SAMMSON: variants seen among roughly 807,000 people sequenced by gnomAD.
SAMMSON encodes long intergenic non-protein coding RNA 1212.
exon 10 of SAMMSON, chr3:70,389,712 A>C (rs1187435823): frequency 6.6e-6 from 1 of 152,186 alleles, no homozygotes; most frequent in Admixed American, 6.6e-5. Context: ...AAGAGAAGAA[A>C]GTGATTCAAG....
chr3:70,085,162 G>A (rs1007432706), intron 4 of SAMMSON, among the ~76,000 whole-genome samples: 2 of 152,158 alleles, frequency 1.3e-5, no homozygotes, highest in Middle Eastern at 3.2e-3. Context: ...CTGTATACTG[G>A]TTTGACCTTA....
At chr3:70,156,330 T>C (rs891799855) in intron 4 of SAMMSON, among the ~76,000 whole-genome samples, 1 of 152,060 alleles carries the variant, frequency 6.6e-6, no homozygotes, top group African/African-American at 2.4e-5. Context: ...CTCAGTTATT[T>C]TTTCAACATG....
intron 7 of SAMMSON, among the ~76,000 whole-genome samples, chr3:70,325,321 G>A (rs1420698627): frequency 6.6e-6 from 1 of 152,144 alleles, no homozygotes; most frequent in Non-Finnish European, 1.5e-5. Context: ...GAGATACACT[G>A]TAAGTATGTA....
intron 2 of SAMMSON, among the ~76,000 whole-genome samples, chr3:70,416,012 G>C (rs1028940325): frequency 1.3e-5 from 2 of 152,084 alleles, no homozygotes; most frequent in Non-Finnish European, 2.9e-5. Context: ...TTATTCATAA[G>C]CTTTAGATAG....
chr3:70,269,381 T>A (rs1014478621), intron 6 of SAMMSON, among the ~76,000 whole-genome samples: 2 of 152,208 alleles, frequency 1.3e-5, no homozygotes, highest in Non-Finnish European at 2.9e-5. Context: ...AGACACCCTG[T>A]AACCTACTTA....
intron 3 of SAMMSON, among the ~76,000 whole-genome samples, chr3:70,046,273 A>C (rs1410039877): frequency 3.3e-5 from 5 of 152,140 alleles, no homozygotes; most frequent in African/African-American, 1.2e-4. Context: ...GACCAATGAA[A>C]ATATTTAGTT....
chr3:70,100,150 CT>C (rs943408404), intron 4 of SAMMSON, among the ~76,000 whole-genome samples: 1 of 151,238 alleles, frequency 6.6e-6, no homozygotes, highest in Non-Finnish European at 1.5e-5. Context: ...TTTTCATACT[CT>C]TTTTTTTTAA....
chr3:70,116,205 C>T (rs933974476), intron 4 of SAMMSON, among the ~76,000 whole-genome samples: 1 of 148,982 alleles, frequency 6.7e-6, no homozygotes, highest in Non-Finnish European at 1.5e-5. Flanking sequence ...TATCTGAGCA[C>T]AGATATTGGA....
chr3:70,195,757 G>A (rs1280064580), intron 4 of SAMMSON, among the ~76,000 whole-genome samples: 1 of 152,282 alleles, frequency 6.6e-6, no homozygotes. Flanking sequence ...AATGAGCAAT[G>A]TATTTGCCCA....
At chr3:70,059,305 G>T (rs1360792467) in intron 3 of SAMMSON, among the ~76,000 whole-genome samples, 1 of 152,018 alleles carries the variant, frequency 6.6e-6, no homozygotes, top group African/African-American at 2.4e-5. Flanking sequence ...AGTAGCCAGG[G>T]TTATTCAGAT....
chr3:70,164,413 A>C (rs993699813), intron 4 of SAMMSON, among the ~76,000 whole-genome samples: 3 of 152,030 alleles, frequency 2.0e-5, no homozygotes, highest in African/African-American at 7.2e-5. Context: ...TAAAATTTCA[A>C]AAAAAGATCT....
At chr3:70,001,392 C>G (rs1232083286) in intron 1 of SAMMSON, among the ~76,000 whole-genome samples, 1 of 150,942 alleles carries the variant, frequency 6.6e-6, no homozygotes, top group Non-Finnish European at 1.5e-5. Flanking sequence ...GACAGACACA[C>G]TTCTTGCCCT....
At chr3:70,251,723 C>T (rs913425839) in intron 6 of SAMMSON, among the ~76,000 whole-genome samples, 1 of 152,134 alleles carries the variant, frequency 6.6e-6, no homozygotes, top group African/African-American at 2.4e-5. Flanking sequence ...AACCTAATAC[C>T]ATACCTAAGT....
intron 4 of SAMMSON, among the ~76,000 whole-genome samples, chr3:70,103,062 G>T (rs1301549147): frequency 6.6e-6 from 1 of 152,136 alleles, no homozygotes; most frequent in Non-Finnish European, 1.5e-5. Context: ...GCCAAGGTTG[G>T]CACTTGAGTG....
At chr3:70,226,874 T>C (rs1307769332) in intron 4 of SAMMSON, among the ~76,000 whole-genome samples, 2 of 151,700 alleles carry the variant, frequency 1.3e-5, no homozygotes, top group Non-Finnish European at 2.9e-5. Flanking sequence ...AGAAGTGGGA[T>C]GGAAAAGGAG....
At position 70,064,610 on chromosome 3, in the gene SAMMSON, A is replaced by T. The variant is rs530379219; in HGVS notation, n.418-6866A>T. On this transcript the variant is annotated intron_variant and non_coding_transcript_variant, in intron 3 of 9. Coordinates refer to ENST00000642114, the Ensembl canonical transcript of SAMMSON. ...TTAGCTAAATATTATTGTACATCAG[A>T]GTGGGGCCATGCTTCCTGTACATTC... Among the ~76,000 whole-genome samples, 5 of 152,192 alleles carry T rather than the reference A, an allele frequency of 3.3e-5. No homozygotes were observed. In the East Asian group the frequency reaches 9.7e-4, roughly 29 times the overall value.
At chr3:70,433,757 T>C (rs1403839898) in intron 2 of SAMMSON, among the ~76,000 whole-genome samples, 1 of 152,162 alleles carries the variant, frequency 6.6e-6, no homozygotes, top group African/African-American at 2.4e-5. Flanking sequence ...CCCCCCATGT[T>C]ATGTAATAGT....
chr3:70,106,220 T>C (rs528221179), intron 4 of SAMMSON, among the ~76,000 whole-genome samples: 13 of 152,240 alleles, frequency 8.5e-5, no homozygotes, highest in African/African-American at 3.1e-4. Context: ...TCCAAATAAA[T>C]GGACACCAAA....
intron 1 of SAMMSON, among the ~76,000 whole-genome samples, chr3:70,004,298 A>T (rs28462307): frequency 0.45 from 68,220 of 151,968 alleles, 16,513 homozygotes; most frequent in East Asian, 0.63. Flanking sequence ...TGTAAATGTT[A>T]TTTTATAAAA....
Sources: gnomAD v4.1 joint callset for allele counts (sites outside exome capture counted in the v4.1 genomes callset) on GRCh38, gnomAD v4.1.1 for gene constraint, MANE v1.5 for transcripts, NCBI Gene and HGNC (gene_info 2026-07-23, HGNC 2026-07-21) for gene names.